The following TPRG1L variants were observed in gnomAD, a reference collection of about 807,000 sequenced individuals.
TPRG1L encodes the protein tumor protein p63-regulated gene 1-like protein.
In TPRG1L, 25 loss-of-function variants were observed where a neutral mutation model predicts 29.4. The observed-to-expected ratio is 0.85, with a 90% CI of 0.62 to 1.19. The LOEUF (loss-of-function observed/expected upper bound fraction) is 1.19, where lower values mean the gene tolerates loss of function less well. Ranked by LOEUF, TPRG1L falls within the 50% of genes most tolerant of loss-of-function variation. The probability of loss-of-function intolerance (pLI) is 0.00; values close to 1 mark genes in which losing one functional copy is unlikely to be tolerated. For missense variants in TPRG1L, 354 were observed against 364.4 expected, an observed-to-expected ratio of 0.97 and a Z score of 0.23; for synonymous variants, 182 against 151.1, an observed-to-expected ratio of 1.20 and a Z score of -1.50.
chr1:3,628,452 C>T lies in TPRG1L; in HGVS notation c.668C>T (p.Ala223Val), dbSNP rs1644503805. 1 of 1,612,972 alleles carries T rather than the reference C, an allele frequency of 6.2e-7. No individual in the cohort carries two copies. Among genetic ancestry groups the T allele is most frequent in the Non-Finnish European group, 8.5e-7 (1 of 1,179,282 alleles). Residue 223 changes from alanine to valine, a missense_variant, in exon 5 of 5, where the codon GCC becomes GTC. By Grantham distance (64) the Ala-to-Val change is moderately conservative. Coordinates refer to ENST00000378344, the MANE Select transcript of TPRG1L (RefSeq NM_182752.4). ...CTGTTAATCCAAGCTGTCAAAAAAG[C>T]CCAAAAAGAAAGCCCTTTGCCAGGA... ...KALLIQAVKK[A>V]QKESPLPGQA... is the part of the protein sequence containing the mutation.
intron 4 of TPRG1L, 71 bp downstream of exon 4, chr1:3,627,724 A>G (rs1644500072): frequency 3.1e-6 from 5 of 1,595,446 alleles, no homozygotes; most frequent in East Asian, 2.2e-5. Flanking sequence ...TCACGGAGAC[A>G]CTTCAGGTCT....
rs551589807 is a variant in TPRG1L, at chr1:3,626,562, G to T, written c.470+673G>T. 2.0e-5 allele frequency among the ~76,000 whole-genome samples: 3 copies of T among 151,392 alleles called. No individual in the cohort carries two copies. The South Asian group carries it at 6.3e-4, about 32-fold the overall frequency. On this transcript the variant is annotated intron_variant, in intron 3 of 4. Coordinates refer to ENST00000378344, the MANE Select transcript of TPRG1L (RefSeq NM_182752.4). ...ATTACACTTCCTTTTCACTCATTTG[G>T]CTAGCCTATCTATAATTATTCCCTT...
chr1:3,626,568 C>CTATCTA (rs1644490826), intron 3 of TPRG1L, among the ~76,000 whole-genome samples: 1 of 150,884 alleles, frequency 6.6e-6, no homozygotes, highest in Non-Finnish European at 1.5e-5. Flanking sequence ...TTTGGCTAGC[C>CTATCTA]TATCTATAAT....
At chr1:3,625,350 G>A in intron 1 of TPRG1L, 74 bp from the exon 2 acceptor site, 1 of 1,533,396 alleles carries the variant, frequency 6.5e-7, no homozygotes, top group East Asian at 2.5e-5. Context: ...GGAGGCGGGC[G>A]CCGGGCGGTC....
At chr1:3,627,751 A>C (rs1470843826) in intron 4 of TPRG1L, 98 bp downstream of exon 4, 9 of 1,496,540 alleles carry the variant, frequency 6.0e-6, no homozygotes, top group Non-Finnish European at 7.2e-6. Context: ...TCCGGCGGCC[A>C]CGCGGAGCTG....
Position 3,625,415 on chromosome 1 carries a change from C to T in TPRG1L, c.202-9C>T, listed in dbSNP as rs1644477599. The T allele has an allele frequency of 6.3e-7, 1 of 1,583,122 alleles. No homozygotes were observed. Among genetic ancestry groups the T allele is most frequent in the Admixed American group, 1.8e-5 (1 of 54,794 alleles). ...TTTGCCCCCGTCCCCCACCCCGCAA[C>T]CCGCCCAGCCCGGCAGCATCGAGCA... On this transcript the variant is annotated splice_polypyrimidine_tract_variant and intron_variant, in intron 1 of 4. Coordinates refer to ENST00000378344, the MANE Select transcript of TPRG1L (RefSeq NM_182752.4).
chr1:3,625,088 G>A lies in TPRG1L; in HGVS notation c.16G>A (p.Asp6Asn). 1 of 1,215,090 alleles carries A rather than the reference G, an allele frequency of 8.2e-7. No homozygotes were observed. The highest frequency in any genetic ancestry group is 1.0e-6 in the Non-Finnish European group (1 of 969,108). 75.3% of individuals were successfully genotyped at this position (1,215,090 alleles called of 1,614,324 possible). A position where few individuals can be genotyped will look rare whatever the true frequency, so the allele number is the denominator to read the frequency against. Reference protein sequence around the residue: MLQLRDSVDSAGTSPT... With the variant: MLQLRNSVDSAGTSPT... ...GGGTGCGGCAATGCTGCAACTGCGGGACTCGGTGGACTCGGCCGGTACGAG... is the reference window on the plus strand; with the variant it reads ...GGGTGCGGCAATGCTGCAACTGCGGAACTCGGTGGACTCGGCCGGTACGAG... The change falls in exon 1 of 5, where the codon GAC becomes AAC. Residue 6 changes from aspartate to asparagine, a missense_variant. Coordinates refer to ENST00000378344, the MANE Select transcript of TPRG1L (RefSeq NM_182752.4).
rs2101947461 is a variant in TPRG1L at position 3,628,881 on chromosome 1, CTG to C, written c.*280_*281del. 1 of 315,770 alleles carries C rather than the reference CTG, an allele frequency of 3.2e-6. No homozygotes were observed. The highest frequency in any genetic ancestry group is 5.0e-5 in the East Asian group (1 of 19,866). 19.6% of individuals were successfully genotyped at this position (315,770 alleles called of 1,614,324 possible). The stretch of plus-strand genomic sequence containing the variant: ...CCCTGTGCTGCTGGTATTTCATTCT[CTG>C]TAACTTCAGTTCTGGTGTTTTCCTT... On this transcript the variant is annotated 3_prime_UTR_variant, in exon 5 of 5. Transcript: ENST00000378344.
At chr1:3,626,214 A>T (rs1227988966) in intron 3 of TPRG1L, among the ~76,000 whole-genome samples, 2 of 152,206 alleles carry the variant, frequency 1.3e-5, no homozygotes, top group Non-Finnish European at 2.9e-5. Flanking sequence ...CAAACTCTGC[A>T]TTTTTCTCCA....
In TPRG1L at chr1:3,628,858, C is replaced by T. The variant is rs1331309078; in HGVS notation, c.*255C>T. The T allele has an allele frequency of 2.7e-6, 1 of 367,968 alleles. No individual in the cohort carries two copies. The highest frequency in any genetic ancestry group is 4.9e-6 in the Non-Finnish European group (1 of 202,776). The allele number at this position is 367,968 out of a possible 1,614,324, so 22.8% of individuals were successfully genotyped here. ...AAAAGCCAAAAGACTCTCGCTGTCCCTGTGCTGCTGGTATTTCATTCTCTG... is the reference window on the plus strand; with the variant it reads ...AAAAGCCAAAAGACTCTCGCTGTCCTTGTGCTGCTGGTATTTCATTCTCTG... On this transcript the variant is annotated 3_prime_UTR_variant, in exon 5 of 5. Coordinates refer to ENST00000378344, the MANE Select transcript of TPRG1L (RefSeq NM_182752.4).
At position 3,627,359 on chromosome 1, in the gene TPRG1L, C is replaced by G. The variant is rs538302783; in HGVS notation, c.471-141C>G. The G allele has an allele frequency of 4.3e-5, 37 of 854,658 alleles. No homozygotes were observed. The Admixed American group carries it at 7.4e-4, about 17-fold the overall frequency. The allele number at this position is 854,658 out of a possible 1,614,324, so 52.9% of individuals were successfully genotyped here. ...AAAAATAAAAACTACAAGCCGTTTT[C>G]CATTGTGATATGTCATAGGTCTTTT... On this transcript the variant is annotated intron_variant, in intron 3 of 4. Transcript: ENST00000378344.
intron 3 of TPRG1L, among the ~76,000 whole-genome samples, chr1:3,626,947 T>C (rs933721653): frequency 3.9e-5 from 6 of 152,194 alleles, no homozygotes; most frequent in African/African-American, 1.4e-4. Flanking sequence ...AACCAAAATA[T>C]ACCTAATTTG....
chr1:3,628,358 CATTCTT>C (rs1198085043), intron 4 of TPRG1L, 45 bp from the exon 5 acceptor site: 1 of 1,473,514 alleles, frequency 6.8e-7, no homozygotes. Flanking sequence ...AAGTAATAGA[CATTCTT>C]ATCTTGCCTG....
At chr1:3,627,773 A>G in intron 4 of TPRG1L, 120 bp downstream of exon 4, 2 of 1,262,844 alleles carry the variant, frequency 1.6e-6, no homozygotes, top group East Asian at 4.7e-5. Context: ...CGAGCACTTG[A>G]GACGTGGCTA....
Position 3,625,266 on chromosome 1 carries a change from T to G in TPRG1L, c.194T>G (p.Val65Gly). Residue 65 changes from valine to glycine, a missense_variant, in exon 1 of 5, where the codon GTG (valine) becomes GGG (glycine). By Grantham distance (109) the Val-to-Gly change is moderately radical. Transcript: ENST00000378344. ...TRRARVKEYF[V>G]FRPGSIEQAV... ...CGCGCCCGCGTCAAGGAGTACTTCG[T>G]GTTCCGGGTGAGGCAGGGGCCAGGG... 1 of 1,387,314 alleles carries G rather than the reference T, an allele frequency of 7.2e-7. No homozygotes were observed. Among genetic ancestry groups the G allele is most frequent in the Non-Finnish European group, 9.3e-7 (1 of 1,079,968 alleles). 85.9% of individuals were successfully genotyped at this position (1,387,314 alleles called of 1,614,324 possible). A position where few individuals can be genotyped will look rare whatever the true frequency, so the allele number is the denominator to read the frequency against.
In TPRG1L at chr1:3,628,766, T is replaced by A. The variant is rs1644506262; in HGVS notation, c.*163T>A. 2 of 622,240 alleles carry A rather than the reference T, an allele frequency of 3.2e-6. No homozygotes were observed. Among genetic ancestry groups the A allele is most frequent in the Admixed American group, 6.4e-5 (2 of 31,478 alleles). The allele number at this position is 622,240 out of a possible 1,614,324, so 38.5% of individuals were successfully genotyped here. ...TTCACCTTTAGGGATCTCAGCACAA[T>A]TAGAATCGTAAAGTGAATTCTATCT... On this transcript the variant is annotated 3_prime_UTR_variant, in exon 5 of 5. Transcript: ENST00000378344.
rs1345709812 is a variant in TPRG1L, at chr1:3,627,613, C to T, written c.584C>T (p.Pro195Leu). ...NVPYATFTEH[P>L]MAGADEKTAS... ...CCCTATGCCACTTTCACAGAACACC[C>T]GATGGCTGGCGCAGATGAGAAGACA... Residue 195 changes from proline (P) to leucine (L), a missense_variant, in exon 4 of 5, where the codon CCG becomes CTG. Transcript: ENST00000378344. The T allele has an allele frequency of 3.7e-6, 6 of 1,614,010 alleles. No individual in the cohort carries two copies. Among genetic ancestry groups the T allele is most frequent in the Admixed American group, 1.7e-5 (1 of 60,032 alleles).
In TPRG1L at chr1:3,625,407, C is replaced by T. The variant is rs753972769; in HGVS notation, c.202-17C>T. 3.2e-6 allele frequency: 5 copies of T among 1,573,682 alleles called. No individual in the cohort carries two copies. The highest frequency in any genetic ancestry group is 2.7e-5 in the African/African-American group (2 of 74,628). Reference sequence around the variant, plus strand: ...CTGTGATCTTTGCCCCCGTCCCCCACCCCGCAACCCGCCCAGCCCGGCAGC... The same window carrying T: ...CTGTGATCTTTGCCCCCGTCCCCCATCCCGCAACCCGCCCAGCCCGGCAGC... On this transcript the variant is annotated splice_polypyrimidine_tract_variant and intron_variant, in intron 1 of 4. Transcript: ENST00000378344.
chr1:3,628,844 G>T lies in TPRG1L; in HGVS notation c.*241G>T. The T allele has an allele frequency of 2.5e-6, 1 of 406,670 alleles. No individual in the cohort carries two copies. Among genetic ancestry groups the T allele is most frequent in the East Asian group, 3.6e-5 (1 of 27,448 alleles). 25.2% of individuals were successfully genotyped at this position (406,670 alleles called of 1,614,324 possible). A position where few individuals can be genotyped will look rare whatever the true frequency, so the allele number is the denominator to read the frequency against. ...TATAAGCTACAGACAAAAGCCAAAAGACTCTCGCTGTCCCTGTGCTGCTGG... is the reference window on the plus strand; with the variant it reads ...TATAAGCTACAGACAAAAGCCAAAATACTCTCGCTGTCCCTGTGCTGCTGG... On this transcript the variant is annotated 3_prime_UTR_variant, in exon 5 of 5. Transcript: ENST00000378344.
Sources: gnomAD v4.1 joint callset for allele counts (sites outside exome capture counted in the v4.1 genomes callset) on GRCh38, gnomAD v4.1.1 for gene constraint, MANE v1.5 for transcripts, NCBI Gene and HGNC (gene_info 2026-07-23, HGNC 2026-07-21) for gene names.